WDFY2: variants seen among roughly 807,000 people sequenced by gnomAD.
WDFY2 encodes WD repeat and FYVE domain containing 2.
In WDFY2, 36 loss-of-function variants were observed where a neutral mutation model predicts 56.4. The observed-to-expected ratio is 0.64, with a 90% CI of 0.49 to 0.84. The LOEUF (loss-of-function observed/expected upper bound fraction) is 0.84. Among genes scored for constraint, WDFY2 ranks in the 40% least tolerant of loss-of-function variants. The pLI is 0.00. For missense variants in WDFY2, 444 were observed against 512.2 expected, an observed-to-expected ratio of 0.87 and a Z score of 1.29; for synonymous variants, 176 against 183.7, an observed-to-expected ratio of 0.96 and a Z score of 0.34.
intron 1 of WDFY2, among the ~76,000 whole-genome samples, chr13:51,639,328 C>T (rs1955112688): frequency 6.6e-6 from 1 of 152,112 alleles, no homozygotes; most frequent in African/African-American, 2.4e-5. Flanking sequence ...ATCACCAAAA[C>T]CCACAGGAAG....
intron 6 of WDFY2, among the ~76,000 whole-genome samples, chr13:51,731,566 A>G (rs1016723778): frequency 6.6e-6 from 1 of 152,226 alleles, no homozygotes; most frequent in Non-Finnish European, 1.5e-5. Flanking sequence ...GTATCTGCCC[A>G]TCACTAATGT....
intron 6 of WDFY2, 116 bp downstream of exon 6, chr13:51,727,906 A>G (rs1003870550): frequency 4.5e-6 from 4 of 894,320 alleles, no homozygotes; most frequent in Middle Eastern, 2.2e-4. Flanking sequence ...TGCTTGTGCA[A>G]AGATACACAT....
At position 51,764,967 on chromosome 13, in the gene WDFY2, G is replaced by C. The variant is rs1363333182; in HGVS notation, c.*5198G>C. 1 of 152,242 alleles carries C rather than the reference G, an allele frequency of 6.6e-6. No homozygotes were observed. Among genetic ancestry groups the C allele is most frequent in the African/African-American group, 2.4e-5 (1 of 41,422 alleles). 9.4% of individuals were successfully genotyped at this position (152,242 alleles called of 1,614,324 possible). A position where few individuals can be genotyped will look rare whatever the true frequency, so the allele number is the denominator to read the frequency against. On this transcript the variant is annotated 3_prime_UTR_variant, in exon 12 of 12. Transcript: ENST00000298125. ...CACGGACAGGCGGTGCCGAGTGTTT[G>C]GGTGCAGACACAGGCAGCTGCTGCC...
chr13:51,587,724 G>C (rs1396242376), intron 1 of WDFY2: 1 of 152,160 alleles, frequency 6.6e-6, no homozygotes, highest in Non-Finnish European at 1.5e-5. Flanking sequence ...GAAGAATATT[G>C]CTTAATAAAA....
intron 3 of WDFY2, among the ~76,000 whole-genome samples, chr13:51,696,010 G>A (rs1023266957): frequency 2.0e-5 from 3 of 152,224 alleles, no homozygotes; most frequent in Admixed American, 6.5e-5. Flanking sequence ...CTGGTGGGCC[G>A]TTTTTAAAGC....
chr13:51,607,615 A>G (rs975131339), intron 1 of WDFY2, among the ~76,000 whole-genome samples: 7 of 152,162 alleles, frequency 4.6e-5, no homozygotes, highest in African/African-American at 1.2e-4. Flanking sequence ...TGATAAAAAT[A>G]TAGTCTGTTG....
intron 1 of WDFY2, among the ~76,000 whole-genome samples, chr13:51,622,759 A>G (rs1314289665): frequency 2.0e-5 from 3 of 152,202 alleles, no homozygotes; most frequent in Non-Finnish European, 4.4e-5. Flanking sequence ...AGGTAAGTAA[A>G]TAGTTACAGT....
chr13:51,632,534 T>C (rs1954972105), intron 1 of WDFY2, among the ~76,000 whole-genome samples: 1 of 152,196 alleles, frequency 6.6e-6, no homozygotes, highest in African/African-American at 2.4e-5. Flanking sequence ...TCTTTCAGGT[T>C]CCCGTTTGGT....
At chr13:51,610,223 C>T (rs1055567598) in intron 1 of WDFY2, among the ~76,000 whole-genome samples, 3 of 151,086 alleles carry the variant, frequency 2.0e-5, no homozygotes, top group Admixed American at 6.6e-5. Context: ...TGATTTTGCT[C>T]CCAAACTTAT....
At chr13:51,697,973 T>C (rs1379887382) in intron 3 of WDFY2, among the ~76,000 whole-genome samples, 1 of 152,262 alleles carries the variant, frequency 6.6e-6, no homozygotes, top group East Asian at 1.9e-4. Flanking sequence ...AGAGTACTTA[T>C]TATGTGACAG....
chr13:51,685,613 A>G (rs779101991), intron 3 of WDFY2, among the ~76,000 whole-genome samples: 47 of 152,150 alleles, frequency 3.1e-4, no homozygotes, highest in Non-Finnish European at 5.6e-4. Flanking sequence ...GGATCATCAT[A>G]AAGGCCTTCA....
At chr13:51,628,390 G>A (rs1055426050) in intron 1 of WDFY2, among the ~76,000 whole-genome samples, 13 of 152,250 alleles carry the variant, frequency 8.5e-5, no homozygotes, top group African/African-American at 2.7e-4. Flanking sequence ...GCCAGGAGGT[G>A]GGAGAGGCCA....
intron 11 of WDFY2, among the ~76,000 whole-genome samples, chr13:51,759,382 T>C (rs1431861201): frequency 6.6e-6 from 1 of 152,230 alleles, no homozygotes; most frequent in Non-Finnish European, 1.5e-5. Flanking sequence ...CGCTTTCATG[T>C]TGGCTCATCG....
chr13:51,667,681 A>C (rs1480025623), intron 2 of WDFY2, among the ~76,000 whole-genome samples: 1 of 152,040 alleles, frequency 6.6e-6, no homozygotes, highest in African/African-American at 2.4e-5. Context: ...GTTTTAATTT[A>C]TACCTTACTT....
At chr13:51,671,181 TGTGA>T (rs151211934) in intron 2 of WDFY2, among the ~76,000 whole-genome samples, 2,027 of 152,270 alleles carry the variant, frequency 0.013, 54 homozygotes, top group African/African-American at 0.047. Flanking sequence ...AACATGCGTG[TGTGA>T]GTATGTTTTT....
intron 4 of WDFY2, among the ~76,000 whole-genome samples, chr13:51,708,318 C>G (rs888239798): frequency 1.2e-5 from 1 of 80,494 alleles, no homozygotes; most frequent in Admixed American, 1.6e-4. Flanking sequence ...ACAGCAAGAC[C>G]CCATCTCTAA....
intron 3 of WDFY2, among the ~76,000 whole-genome samples, chr13:51,680,082 G>A (rs1249602282): frequency 6.6e-6 from 1 of 152,036 alleles, no homozygotes; most frequent in Non-Finnish European, 1.5e-5. Context: ...GCACCACCAT[G>A]CTTGGCTCAT....
At chr13:51,632,842 C>T (rs1954977319) in intron 1 of WDFY2, among the ~76,000 whole-genome samples, 1 of 152,218 alleles carries the variant, frequency 6.6e-6, no homozygotes, top group South Asian at 2.1e-4. Context: ...GCTAGCTTCT[C>T]TGTTCACTCA....
Position 51,765,807 on chromosome 13 carries a change from G to T in WDFY2, c.*6038G>T, listed in dbSNP as rs1953728288. 6.6e-6 allele frequency: 1 copy of T among 152,186 alleles called. No homozygotes were observed. Among genetic ancestry groups the T allele is most frequent in the African/African-American group, 2.4e-5 (1 of 41,436 alleles). 9.4% of individuals were successfully genotyped at this position (152,186 alleles called of 1,614,324 possible). On this transcript the variant is annotated 3_prime_UTR_variant, in exon 12 of 12. Transcript: ENST00000298125. ...GCAAAAAAAATTCTTTTTAAAGATG[G>T]TAAGGGTGGAAATTAATCATGGTAC...
Sources: allele counts gnomAD v4.1 joint callset (sites outside exome capture counted in the v4.1 genomes callset), GRCh38; gene constraint gnomAD v4.1.1; transcripts MANE v1.5; gene names NCBI Gene and HGNC (gene_info 2026-07-23, HGNC 2026-07-21).